The following ELSPBP1 variants were observed in gnomAD, a reference collection of about 807,000 sequenced individuals.
The protein encoded by ELSPBP1 is epididymal sperm binding protein 1.
In ELSPBP1, 38 loss-of-function variants were observed where a neutral mutation model predicts 33.3. The ratio of observed to expected loss-of-function variants is 1.14; its 90% CI spans 0.88 to 1.50. The LOEUF (loss-of-function observed/expected upper bound fraction) is 1.50. Ranked by LOEUF, ELSPBP1 falls within the 40% of genes most tolerant of loss-of-function variation. The pLI is 0.00. For synonymous variants in ELSPBP1, 85 were observed against 94.1 expected (o/e 0.90, Z 0.56); for missense variants, 267 against 263.5 (o/e 1.01, Z -0.09).
intron 5 of ELSPBP1, among the ~76,000 whole-genome samples, chr19:48,020,232 A>C (rs150341861): frequency 0.016 from 2,447 of 152,238 alleles, 54 homozygotes; most frequent in African/African-American, 0.048. Flanking sequence ...TGGGAGGATC[A>C]CTTGAGCCTG....
chr19:48,011,671 T>C lies in ELSPBP1; in HGVS notation c.71-2500T>C, dbSNP rs1967081336. ...CTGATGACAATGACAATAATGAGACTGATGATGGTGACAATGACTGATGAT... is the reference window on the plus strand; with the variant it reads ...CTGATGACAATGACAATAATGAGACCGATGATGGTGACAATGACTGATGAT... On this transcript the variant is annotated intron_variant, in intron 2 of 6. Coordinates refer to ENST00000339841, the MANE Select transcript of ELSPBP1 (RefSeq NM_022142.5). The surrounding 1 kb of genome is among the most constrained non-coding windows in gnomAD (Gnocchi z 4.5). 6.6e-6 allele frequency among the ~76,000 whole-genome samples: 1 copy of C among 151,538 alleles called. No individual in the cohort carries two copies. The highest frequency in any genetic ancestry group is 2.4e-5 in the African/African-American group (1 of 41,068).
At chr19:48,003,956 A>G in intron 1 of ELSPBP1, among the ~76,000 whole-genome samples, 1 of 86,224 alleles carries the variant, frequency 1.2e-5, no homozygotes. Flanking sequence ...ATTCTATTCT[A>G]TTCTTTTGAG....
At position 48,016,518 on chromosome 19, in the gene ELSPBP1, TTC is replaced by T. The variant is rs1425669727; in HGVS notation, c.355+481_355+482del. The stretch of plus-strand genomic sequence containing the variant: ...TTTCTTTCTTTCTTTCTTTCTTTCT[TTC>T]TTTCTTTCTTCCTTCCTTCCTTCCT... On this transcript the variant is annotated intron_variant, in intron 4 of 6. Transcript: ENST00000339841. 1.0e-4 allele frequency among the ~76,000 whole-genome samples: 9 copies of T among 90,048 alleles called. 1 individual carries two copies. The highest frequency in any genetic ancestry group is 3.5e-4 in the African/African-American group (9 of 25,836). The allele number at this position is 90,048 out of a possible 152,430, so 59.1% of individuals were successfully genotyped here.
chr19:48,001,175 G>T lies in ELSPBP1; in HGVS notation c.-18+6364G>T, dbSNP rs1182796646. Among the ~76,000 whole-genome samples, 3 of 142,808 alleles carry T rather than the reference G, an allele frequency of 2.1e-5. No individual in the cohort carries two copies. In the East Asian group the frequency reaches 6.1e-4, roughly 29 times the overall value. The allele number at this position is 142,808 out of a possible 152,430, so 93.7% of individuals were successfully genotyped here. A position where few individuals can be genotyped will look rare whatever the true frequency, so the allele number is the denominator to read the frequency against. ...TTCTGACTCTCCTGCCTCTCTCTCT[G>T]TTTTTTTTTTTTTTGACACAGAGTC... On this transcript the variant is annotated intron_variant, in intron 1 of 6. Coordinates refer to ENST00000339841, the MANE Select transcript of ELSPBP1 (RefSeq NM_022142.5).
chr19:48,006,435 G>A (rs1294512803), intron 1 of ELSPBP1, among the ~76,000 whole-genome samples: 2 of 151,772 alleles, frequency 1.3e-5, no homozygotes, highest in Non-Finnish European at 2.9e-5. Context: ...CCAACGTGGT[G>A]AAACCCTGTC....
intron 1 of ELSPBP1, 107 bp downstream of exon 1, chr19:47,994,918 C>G (rs1323725829): frequency 6.6e-6 from 1 of 152,078 alleles, no homozygotes; most frequent in Admixed American, 6.6e-5. Flanking sequence ...AAATATAATA[C>G]GAGCCACATA....
chr19:48,014,498 G>A (rs978063810), intron 3 of ELSPBP1, among the ~76,000 whole-genome samples, 190 bp downstream of exon 3: 1 of 138,934 alleles, frequency 7.2e-6, no homozygotes, highest in Non-Finnish European at 1.5e-5. Context: ...CACAGGAAGG[G>A]GAACATCACA....
intron 6 of ELSPBP1, among the ~76,000 whole-genome samples, chr19:48,022,538 T>C (rs1451151979): frequency 6.6e-6 from 1 of 152,160 alleles, no homozygotes; most frequent in Non-Finnish European, 1.5e-5. Flanking sequence ...TTGTCAAAGA[T>C]AAGGTGGAGT....
At chr19:48,007,806 T>C (rs1319294837) in intron 1 of ELSPBP1, among the ~76,000 whole-genome samples, 2 of 152,184 alleles carry the variant, frequency 1.3e-5, no homozygotes, top group South Asian at 2.1e-4. Context: ...CTTTCCTCCC[T>C]GGGTGACCAA....
At chr19:48,006,868 C>CAAGGAAGAACGACAAGAAAAAGG (rs1967025540) in intron 1 of ELSPBP1, among the ~76,000 whole-genome samples, 1 of 151,894 alleles carries the variant, frequency 6.6e-6, no homozygotes, top group Admixed American at 6.6e-5. Flanking sequence ...TAAAAGGCTT[C>CAAGGAAGAACGACAAGAAAAAGG]AAGGAAGAAC....
chr19:47,997,961 G>A (rs745351551), intron 1 of ELSPBP1, among the ~76,000 whole-genome samples: 2 of 152,164 alleles, frequency 1.3e-5, no homozygotes, highest in Non-Finnish European at 2.9e-5. Flanking sequence ...CTTCTCACAT[G>A]CCCGCTCAGG....
chr19:48,006,158 C>T (rs1278549423), intron 1 of ELSPBP1, among the ~76,000 whole-genome samples: 3 of 152,080 alleles, frequency 2.0e-5, no homozygotes, highest in African/African-American at 4.8e-5. Context: ...TGAGGTCTCA[C>T]TATGTTGTCC....
chr19:48,014,444 G>A (rs1183537307), intron 3 of ELSPBP1, 136 bp downstream of exon 3: 2 of 878,094 alleles, frequency 2.3e-6, no homozygotes, highest in Non-Finnish European at 3.2e-6. Context: ...AAAAGGCTCT[G>A]GGTTTTAATG....
intron 4 of ELSPBP1, among the ~76,000 whole-genome samples, chr19:48,019,511 A>C (rs1040153125): frequency 5.3e-5 from 8 of 152,182 alleles, no homozygotes; most frequent in Admixed American, 1.3e-4. Flanking sequence ...AGTCGTGTTA[A>C]TAGAGACAGT....
At chr19:47,996,890 TC>T (rs1350441703) in intron 1 of ELSPBP1, among the ~76,000 whole-genome samples, 6 of 152,150 alleles carry the variant, frequency 3.9e-5, no homozygotes, top group Non-Finnish European at 5.9e-5. Context: ...ATGAATGTTA[TC>T]ATCATCATCA....
chr19:48,019,827 C>T lies in ELSPBP1; in HGVS notation c.464C>T (p.Thr155Ile), dbSNP rs1967180402. The T allele has an allele frequency of 6.2e-7, 1 of 1,614,040 alleles. No homozygotes were observed. The highest frequency in any genetic ancestry group is 8.5e-7 in the Non-Finnish European group (1 of 1,179,990). ...GAAAGCAACAAGCTCTGGTGCCCAA[C>T]CACAGAGAACATGGATAAGGATGGA... ...EDESNKLWCP[T>I]TENMDKDGKW... The change falls in exon 5 of 7, where the codon ACC becomes ATC. Residue 155 changes from threonine (T) to isoleucine (I), a missense_variant. Thr to Ile is a moderately conservative substitution (Grantham distance 89, BLOSUM62 -1). Transcript: ENST00000339841.
intron 2 of ELSPBP1, among the ~76,000 whole-genome samples, chr19:48,010,791 G>C (rs1369891182): frequency 6.6e-6 from 1 of 152,124 alleles, no homozygotes; most frequent in Non-Finnish European, 1.5e-5. Context: ...AGCAGGGTCT[G>C]GATTATAGAG....
At chr19:48,017,892 G>A (rs1317498257) in intron 4 of ELSPBP1, among the ~76,000 whole-genome samples, 1 of 70,746 alleles carries the variant, frequency 1.4e-5, no homozygotes, top group Admixed American at 2.5e-4. Flanking sequence ...GTGAGATCTT[G>A]TCTCAAAAAA....
intron 1 of ELSPBP1, among the ~76,000 whole-genome samples, chr19:48,001,699 T>G (rs1871537283): frequency 6.6e-6 from 1 of 151,904 alleles, no homozygotes; most frequent in African/African-American, 2.4e-5. Flanking sequence ...TGTGCCACCA[T>G]GCTAGTTTTC....
Sources: allele counts gnomAD v4.1 joint callset (sites outside exome capture counted in the v4.1 genomes callset), GRCh38; gene constraint gnomAD v4.1.1; non-coding constraint Gnocchi (gnomAD v3.1); transcripts MANE v1.5; gene names NCBI Gene and HGNC (gene_info 2026-07-23, HGNC 2026-07-21).